Variants in IPO5 observed in about 807,000 individuals in gnomAD.
The protein encoded by IPO5 is importin 5, also known as importin-5.
In IPO5, 18 loss-of-function variants were observed where a neutral mutation model predicts 143.3. That is an observed-to-expected ratio of 0.13 (90% CI 0.09 to 0.19). The LOEUF is 0.19. IPO5 is among the 10% of genes least tolerant of loss of function. The probability of loss-of-function intolerance (pLI) is 1.00; values close to 1 mark genes in which losing one functional copy is unlikely to be tolerated. For synonymous variants in IPO5, 477 were observed against 465.7 expected (o/e 1.02, Z -0.31); for missense variants, 1,013 against 1,336.9 (o/e 0.76, Z 3.78).
At position 97,979,818 on chromosome 13, in the gene IPO5, A is replaced by AC. The variant is rs1429891110; in HGVS notation, c.91-2682dup. On this transcript the variant is annotated intron_variant, in intron 4 of 28. Coordinates refer to ENST00000651721, the MANE Select transcript of IPO5 (RefSeq NM_002271.6). Reference sequence around the variant, plus strand: ...TGGAATTACAGGCATGAGCCACCACACCCAGCCCATTGTTGAGATTTCAAT... The same window carrying AC: ...TGGAATTACAGGCATGAGCCACCACACCCCAGCCCATTGTTGAGATTTCAAT... 2.0e-4 allele frequency: 89 copies of AC among 449,636 alleles called. 1 individual carries two copies. The highest frequency in any genetic ancestry group is 4.5e-5 in the Non-Finnish European group (10 of 223,422). 27.9% of individuals were successfully genotyped at this position (449,636 alleles called of 1,614,324 possible). A position where few individuals can be genotyped will look rare whatever the true frequency, so the allele number is the denominator to read the frequency against.
chr13:97,973,769 C>T (rs573945027), intron 3 of IPO5, among the ~76,000 whole-genome samples: 2 of 152,162 alleles, frequency 1.3e-5, no homozygotes, highest in East Asian at 1.9e-4. Flanking sequence ...CGCTTTGCCT[C>T]GTTAAAAAAC....
chr13:98,005,365 TTTTATTTATTTATTTATTTATTTA>T (rs57168569), intron 16 of IPO5, among the ~76,000 whole-genome samples: 7 of 142,084 alleles, frequency 4.9e-5, no homozygotes, highest in African/African-American at 1.0e-4. Context: ...CCTGGCTAAT[TTTTATTTATTTATTTATTTATTTA>T]TTTATTTATT....
chr13:97,998,978 A>G (rs1232780387), intron 12 of IPO5, among the ~76,000 whole-genome samples: 3 of 152,124 alleles, frequency 2.0e-5, no homozygotes, highest in African/African-American at 7.2e-5. Context: ...CCCCGTCTCT[A>G]TTAAAAATAC....
rs145600638 is a variant in IPO5 at position 98,021,114 on chromosome 13, A to G, written c.3188A>G (p.Asn1063Ser). The G allele has an allele frequency of 9.4e-5, 151 of 1,606,176 alleles. No individual in the cohort carries two copies. Among genetic ancestry groups the G allele is most frequent in the Middle Eastern group, 1.6e-4 (1 of 6,064 alleles). The part of the protein sequence containing the change: ...HEDPCAKRLA[N>S]VVRQVQTSGG... ...GATCCTTGTGCCAAACGTCTGGCCAATGTCGTTCGCCAAGTACAGGTAAGC... is the reference window on the plus strand; with the variant it reads ...GATCCTTGTGCCAAACGTCTGGCCAGTGTCGTTCGCCAAGTACAGGTAAGC... The change falls in exon 28 of 29, where the codon AAT becomes AGT. Residue 1063 changes from asparagine (N) to serine (S), a missense_variant. Transcript: ENST00000651721.
chr13:97,959,467 C>T (rs1246596127), intron 2 of IPO5, among the ~76,000 whole-genome samples: 7 of 152,012 alleles, frequency 4.6e-5, no homozygotes, highest in Non-Finnish European at 7.3e-5. Context: ...CGGTGGCTCA[C>T]GCCTATAATC....
At position 98,006,206 on chromosome 13, in the gene IPO5, A is replaced by T; in HGVS notation, c.1574A>T (p.Glu525Val). 6.2e-7 allele frequency: 1 copy of T among 1,613,942 alleles called. No homozygotes were observed. The change falls in exon 17 of 29, where the codon GAA becomes GTA. Residue 525 changes from glutamate (E) to valine (V), a missense_variant. Physicochemically the swap from Glu to Val is moderately radical, Grantham distance 121. This residue lies in a region of IPO5 where 685 missense variants were observed against 994.9 expected (regional missense o/e 0.69). Transcript: ENST00000651721. ...SIASVADTAE[E>V]KFVPYYDLFM... ...GCATCAGTTGCCGATACTGCAGAAG[A>T]AAAATTTGTCCCCTACTATGATTTA...
chr13:98,007,757 A>G (rs1889391114), intron 17 of IPO5, among the ~76,000 whole-genome samples: 2 of 152,184 alleles, frequency 1.3e-5, no homozygotes, highest in African/African-American at 4.8e-5. Context: ...AACAATCTAA[A>G]ATTTTCTTTC....
rs539154897 is a variant in IPO5, at chr13:98,019,827, G to C, written c.3065+18G>C. On this transcript the variant is annotated intron_variant, in intron 27 of 28. Transcript: ENST00000651721. ...ATTGAAAGGTAGGAAAGCAGACTGT[G>C]ACCTTATTTCCTTCTCCTCCACAGT... 3 of 1,531,252 alleles carry C rather than the reference G, an allele frequency of 2.0e-6. No individual in the cohort carries two copies. The highest frequency in any genetic ancestry group is 2.2e-5 in the South Asian group (2 of 89,118). 94.9% of individuals were successfully genotyped at this position (1,531,252 alleles called of 1,614,324 possible).
intron 5 of IPO5, among the ~76,000 whole-genome samples, chr13:97,984,589 A>G (rs1887169215): frequency 6.6e-6 from 1 of 152,150 alleles, no homozygotes; most frequent in Admixed American, 6.5e-5. Context: ...GTTTCTACCT[A>G]CCATAAATGT....
At chr13:98,005,871 C>T (rs1889196117) in intron 16 of IPO5, among the ~76,000 whole-genome samples, 2 of 152,034 alleles carry the variant, frequency 1.3e-5, no homozygotes, top group African/African-American at 2.4e-5. Context: ...CAAGAATTAG[C>T]TGTGCTTTGA....
chr13:98,019,872 C>A (rs2139879328), intron 27 of IPO5, 63 bp downstream of exon 27: 1 of 1,086,652 alleles, frequency 9.2e-7, no homozygotes, highest in Non-Finnish European at 1.4e-6. Flanking sequence ...TTTTTCTTGC[C>A]TAACATCAGT....
chr13:97,985,650 G>A, intron 6 of IPO5, 37 bp downstream of exon 6: 1 of 1,391,330 alleles, frequency 7.2e-7, no homozygotes, highest in Non-Finnish European at 1.0e-6. Context: ...CCAAGAACAT[G>A]GGTATATCCT....
chr13:98,020,670 GTTAT>G (rs2139884727), intron 27 of IPO5, among the ~76,000 whole-genome samples: 1 of 152,258 alleles, frequency 6.6e-6, no homozygotes, highest in South Asian at 2.1e-4. Context: ...GAACTTCAGA[GTTAT>G]TTTAGAAGCT....
intron 3 of IPO5, among the ~76,000 whole-genome samples, chr13:97,974,523 T>C (rs1886097822): frequency 6.6e-6 from 1 of 151,884 alleles, no homozygotes; most frequent in African/African-American, 2.4e-5. Context: ...TTGGCCAGGC[T>C]CGTCTCGAAC....
chr13:97,995,607 T>G (rs1888210209), intron 11 of IPO5, among the ~76,000 whole-genome samples: 1 of 150,214 alleles, frequency 6.7e-6, no homozygotes, highest in Non-Finnish European at 1.5e-5. Context: ...ATGCAAAAAA[T>G]TAGCCGGGCG....
chr13:97,985,821 T>C (rs1432907558), intron 6 of IPO5, among the ~76,000 whole-genome samples: 1 of 152,134 alleles, frequency 6.6e-6, no homozygotes, highest in South Asian at 2.1e-4. Context: ...CACCTATTGG[T>C]ATTCAAAATA....
intron 4 of IPO5, among the ~76,000 whole-genome samples, chr13:97,978,969 ACTTT>A (rs1266871846): frequency 6.6e-6 from 1 of 152,188 alleles, no homozygotes; most frequent in African/African-American, 2.4e-5. Flanking sequence ...CTAGGTTTTT[ACTTT>A]CTTTGTATAT....
At position 98,008,039 on chromosome 13, in the gene IPO5, C is replaced by T. The variant is rs779620061; in HGVS notation, c.1717-20C>T. The T allele has an allele frequency of 3.3e-6, 5 of 1,522,678 alleles. No individual in the cohort carries two copies. In the Admixed American group the frequency reaches 5.2e-5, roughly 16 times the overall value. The allele number at this position is 1,522,678 out of a possible 1,614,324, so 94.3% of individuals were successfully genotyped here. A position where few individuals can be genotyped will look rare whatever the true frequency, so the allele number is the denominator to read the frequency against. The stretch of plus-strand genomic sequence containing the variant: ...CAAAATTCGGTATCAACAAGTGTGT[C>T]TCTACATATTTTCCTCTAGTTCATG... On this transcript the variant is annotated intron_variant, in intron 17 of 28. Coordinates refer to ENST00000651721, the MANE Select transcript of IPO5 (RefSeq NM_002271.6).
At chr13:97,992,236 A>T (rs531633302) in intron 9 of IPO5, among the ~76,000 whole-genome samples, 1 of 152,248 alleles carries the variant, frequency 6.6e-6, no homozygotes, top group Non-Finnish European at 1.5e-5. Context: ...AATGTTTACC[A>T]CAACTTTTAA....
Sources: gnomAD v4.1 joint callset for allele counts (sites outside exome capture counted in the v4.1 genomes callset) on GRCh38, gnomAD v4.1.1 for gene constraint, gnomAD v4.1.1 regional missense constraint, MANE v1.5 for transcripts, NCBI Gene and HGNC (gene_info 2026-07-23, HGNC 2026-07-21) for gene names.